The following AGBL4 variants were observed in gnomAD, a reference collection of about 807,000 sequenced individuals.
AGBL4 encodes the protein AGBL carboxypeptidase 4.
In AGBL4, 58 loss-of-function variants were observed where a neutral mutation model predicts 66.4. That is an observed-to-expected ratio of 0.87 (90% CI 0.71 to 1.09). The LOEUF (loss-of-function observed/expected upper bound fraction) is 1.09, where lower values mean the gene tolerates loss of function less well. Ranked by LOEUF, AGBL4 falls within the 50% of genes least tolerant of loss-of-function variation. The pLI is 0.00. For synonymous variants in AGBL4, 234 were observed against 222.9 expected, an observed-to-expected ratio of 1.05 and a Z score of -0.44; for missense variants, 579 against 631.0, an observed-to-expected ratio of 0.92 and a Z score of 0.88.
intron 3 of AGBL4, among the ~76,000 whole-genome samples, chr1:49,385,348 TA>T (rs2148582697): frequency 6.6e-6 from 1 of 152,226 alleles, no homozygotes; most frequent in South Asian, 2.1e-4. Context: ...ATTTACTGAA[TA>T]AAAGACTACA....
intron 5 of AGBL4, among the ~76,000 whole-genome samples, chr1:48,974,892 C>T (rs1044785139): frequency 1.3e-5 from 2 of 152,076 alleles, no homozygotes; most frequent in Non-Finnish European, 2.9e-5. Flanking sequence ...CCATAGCATA[C>T]CTTCCCTATA....
intron 3 of AGBL4, among the ~76,000 whole-genome samples, chr1:49,551,760 G>C (rs1285983297): frequency 6.6e-6 from 1 of 152,172 alleles, no homozygotes. Context: ...CTCTATTTTT[G>C]TGCTGGTTGG....
At chr1:48,558,661 G>A (rs1644355843) in intron 11 of AGBL4, among the ~76,000 whole-genome samples, 1 of 152,218 alleles carries the variant, frequency 6.6e-6, no homozygotes, top group Non-Finnish European at 1.5e-5. Flanking sequence ...AGCAGGGGAG[G>A]GCTGGTTGAA....
intron 3 of AGBL4, among the ~76,000 whole-genome samples, chr1:49,635,341 A>G (rs952995081): frequency 3.9e-5 from 6 of 152,198 alleles, no homozygotes; most frequent in African/African-American, 1.4e-4. Context: ...GTAAACATAT[A>G]TCTTTTAAAC....
intron 2 of AGBL4, among the ~76,000 whole-genome samples, chr1:49,840,349 A>G (rs1325035365): frequency 6.6e-6 from 1 of 151,934 alleles, no homozygotes; most frequent in African/African-American, 2.4e-5. Flanking sequence ...ACTTAAGTGG[A>G]TATTTTTTTC....
At chr1:49,857,654 T>C (rs754153740) in intron 1 of AGBL4, among the ~76,000 whole-genome samples, 1 of 152,210 alleles carries the variant, frequency 6.6e-6, no homozygotes, top group Non-Finnish European at 1.5e-5. Flanking sequence ...TAAATGGTGC[T>C]GTGAAAACTG....
Position 48,590,913 on chromosome 1 carries a change from T to C in AGBL4, c.1024A>G (p.Ile342Val), listed in dbSNP as rs369243059. 1.2e-5 allele frequency: 20 copies of C among 1,610,170 alleles called. No individual in the cohort carries two copies. The highest frequency in any genetic ancestry group is 1.5e-5 in the Non-Finnish European group (18 of 1,178,534). The change falls in exon 10 of 14, where the codon ATC (isoleucine) becomes GTC (valine). Residue 342 changes from isoleucine (I) to valine (V), a missense_variant. Transcript: ENST00000371839. ...TMMNGFMYGN[I>V]FEDEERFQRQ... Reference sequence around the variant, plus strand: ...TGGAACCGTTCCTCATCCTCAAAGATGTTGCCATACATGAAGCCATTCATC... The same window carrying C: ...TGGAACCGTTCCTCATCCTCAAAGACGTTGCCATACATGAAGCCATTCATC...
intron 3 of AGBL4, among the ~76,000 whole-genome samples, chr1:49,565,848 G>A (rs1180188564): frequency 2.0e-5 from 3 of 152,190 alleles, no homozygotes; most frequent in Non-Finnish European, 4.4e-5. Flanking sequence ...ATGTTAGCCT[G>A]CCTTGCTACA....
intron 2 of AGBL4, among the ~76,000 whole-genome samples, chr1:49,819,963 G>C (rs1476295236): frequency 6.6e-6 from 1 of 152,110 alleles, no homozygotes; most frequent in Admixed American, 6.5e-5. Context: ...GTAATAAATG[G>C]CTTCGCAGGG....
At chr1:48,816,045 TTGTGTGTGTGTGTG>T (rs59041939) in intron 6 of AGBL4, among the ~76,000 whole-genome samples, 142 of 144,396 alleles carry the variant, frequency 9.8e-4, no homozygotes, top group Non-Finnish European at 1.2e-3. Context: ...AGGAACTGTT[TTGTGTGTGTGTGTG>T]TGTGTGTGTG....
At chr1:48,730,691 T>C (rs1647971438) in intron 6 of AGBL4, among the ~76,000 whole-genome samples, 1 of 152,218 alleles carries the variant, frequency 6.6e-6, no homozygotes, top group African/African-American at 2.4e-5. Flanking sequence ...ATTAAAAGGC[T>C]TTCGTTAGAC....
At chr1:49,720,308 G>A (rs1001694692) in intron 2 of AGBL4, among the ~76,000 whole-genome samples, 1 of 152,116 alleles carries the variant, frequency 6.6e-6, no homozygotes, top group African/African-American at 2.4e-5. Context: ...GTGCTCAACA[G>A]TAAGTATAAT....
chr1:49,372,320 C>T (rs1320329140), intron 3 of AGBL4, among the ~76,000 whole-genome samples: 1 of 152,146 alleles, frequency 6.6e-6, no homozygotes, highest in Non-Finnish European at 1.5e-5. Context: ...GAATCCTATT[C>T]TGGGGCTTAT....
At chr1:49,575,731 G>C (rs934642397) in intron 3 of AGBL4, among the ~76,000 whole-genome samples, 1 of 152,208 alleles carries the variant, frequency 6.6e-6, no homozygotes, top group African/African-American at 2.4e-5. Context: ...TGCAGCCACT[G>C]ACTTGGCAAA....
chr1:48,687,239 A>G (rs1646548488), intron 6 of AGBL4, among the ~76,000 whole-genome samples: 1 of 152,200 alleles, frequency 6.6e-6, no homozygotes, highest in African/African-American at 2.4e-5. Context: ...AGGAGGGGGC[A>G]AAGAGAAAGG....
At chr1:48,547,075 G>A (rs1025471269) in intron 11 of AGBL4, among the ~76,000 whole-genome samples, 9 of 152,140 alleles carry the variant, frequency 5.9e-5, no homozygotes, top group Admixed American at 3.9e-4. Context: ...GGTGAGAGAC[G>A]GAAACTGGAA....
At chr1:48,763,962 C>A (rs1276864687) in intron 6 of AGBL4, among the ~76,000 whole-genome samples, 1 of 152,176 alleles carries the variant, frequency 6.6e-6, no homozygotes, top group Non-Finnish European at 1.5e-5. Context: ...AGAACTCTGA[C>A]CACATAATCC....
rs1276903081 is a variant in AGBL4, at chr1:49,207,514, T to TC, written c.377+38255dup. Among the ~76,000 whole-genome samples the TC allele has an allele frequency of 4.6e-5, 7 of 151,702 alleles. No individual in the cohort carries two copies. In the East Asian group the frequency reaches 5.8e-4, roughly 13 times the overall value. On this transcript the variant is annotated intron_variant, in intron 4 of 13. Transcript: ENST00000371839. The stretch of plus-strand genomic sequence containing the variant: ...TTTCTTTTCTTTCTTTCTTTTTCTT[T>TC]CTTTCTTTCTCTCTTTCTTTTTCTT...
Position 49,190,473 on chromosome 1 carries a change from C to T in AGBL4, c.377+55297G>A, listed in dbSNP as rs138551261. ...GAAATAAGTTATTGGTTTGACTTTG[C>T]ATTCATCAGAGTAAAGGGTGGACTG... On this transcript the variant is annotated intron_variant, in intron 4 of 13. Coordinates refer to ENST00000371839, the MANE Select transcript of AGBL4 (RefSeq NM_032785.4). Among the ~76,000 whole-genome samples the T allele has an allele frequency of 3.8e-3, 573 of 152,270 alleles. 4 individuals are homozygous for T. Among genetic ancestry groups the T allele is most frequent in the African/African-American group, 0.013 (535 of 41,550 alleles).
Sources: allele counts gnomAD v4.1 joint callset (sites outside exome capture counted in the v4.1 genomes callset), GRCh38; gene constraint gnomAD v4.1.1; transcripts MANE v1.5; gene names NCBI Gene and HGNC (gene_info 2026-07-23, HGNC 2026-07-21).